RALYL: variants seen among roughly 807,000 people sequenced by gnomAD.
The protein encoded by RALYL is RNA-binding Raly-like protein.
RALYL carries 29 observed loss-of-function variants against 35.1 expected under a neutral mutation model. That is an observed-to-expected ratio of 0.83 (90% CI 0.61 to 1.13). The LOEUF is 1.13. Among genes scored for constraint, RALYL ranks in the 50% most tolerant of loss-of-function variants. The pLI is 0.00. For synonymous variants in RALYL, 120 were observed against 127.6 expected (o/e 0.94, Z 0.40); for missense variants, 359 against 360.4 (o/e 1.00, Z 0.03).
At chr8:84,559,259 T>C (rs1231123346) in intron 2 of RALYL, among the ~76,000 whole-genome samples, 1 of 152,084 alleles carries the variant, frequency 6.6e-6, no homozygotes, top group Non-Finnish European at 1.5e-5. Context: ...TAAGAATTAT[T>C]TTGAAATCAT....
intron 2 of RALYL, among the ~76,000 whole-genome samples, chr8:84,663,023 C>T (rs932748046): frequency 5.3e-5 from 8 of 152,052 alleles, no homozygotes; most frequent in South Asian, 2.1e-4. Context: ...GGGTTACTCT[C>T]CTCCCTGAGT....
chr8:84,318,218 T>A (rs1844133783), intron 1 of RALYL, among the ~76,000 whole-genome samples: 1 of 152,224 alleles, frequency 6.6e-6, no homozygotes, highest in South Asian at 2.1e-4. Flanking sequence ...CCTGTGGGAC[T>A]GCACAAGCTG....
intron 1 of RALYL, among the ~76,000 whole-genome samples, chr8:84,187,482 C>T (rs1187973553): frequency 6.6e-6 from 1 of 151,894 alleles, no homozygotes; most frequent in African/African-American, 2.4e-5. Context: ...ATCAAATAGC[C>T]ACACCGTGGT....
chr8:84,770,276 A>T (rs887333376), intron 2 of RALYL, among the ~76,000 whole-genome samples: 2 of 151,956 alleles, frequency 1.3e-5, no homozygotes, highest in Admixed American at 6.6e-5. Flanking sequence ...GCTCCCACTT[A>T]TGAGTGAGAA....
chr8:84,295,916 T>C (rs1389789425), intron 1 of RALYL, among the ~76,000 whole-genome samples: 1 of 152,120 alleles, frequency 6.6e-6, no homozygotes, highest in Non-Finnish European at 1.5e-5. Context: ...TTGCTGACTG[T>C]GGAAGGGACA....
intron 2 of RALYL, among the ~76,000 whole-genome samples, chr8:84,545,396 C>T (rs1488239803): frequency 9.2e-5 from 14 of 152,164 alleles, no homozygotes; most frequent in Non-Finnish European, 1.9e-4. Flanking sequence ...ACTGTCCTCT[C>T]TGTACCTACT....
chr8:84,628,969 G>T (rs2131211021), intron 2 of RALYL, among the ~76,000 whole-genome samples: 1 of 152,076 alleles, frequency 6.6e-6, no homozygotes, highest in Admixed American at 6.6e-5. Context: ...AAAAATAACT[G>T]CCATTATAGA....
chr8:84,903,837 C>T (rs1217512556), intron 8 of RALYL, among the ~76,000 whole-genome samples: 1 of 152,264 alleles, frequency 6.6e-6, no homozygotes, highest in East Asian at 1.9e-4. Context: ...TTGGAAAAAT[C>T]ATCTTAGTGA....
intron 2 of RALYL, among the ~76,000 whole-genome samples, chr8:84,685,403 A>C (rs1458295153): frequency 1.3e-5 from 2 of 150,804 alleles, no homozygotes; most frequent in East Asian, 3.9e-4. Context: ...TCTTTACCCA[A>C]CCCCCACCAT....
chr8:84,349,993 A>G (rs983663120), intron 1 of RALYL, among the ~76,000 whole-genome samples: 1 of 150,572 alleles, frequency 6.6e-6, no homozygotes, highest in Non-Finnish European at 1.5e-5. Flanking sequence ...CATTACTCCC[A>G]TTTGAATACA....
intron 1 of RALYL, among the ~76,000 whole-genome samples, chr8:84,440,768 T>C (rs1335263694): frequency 2.0e-5 from 3 of 152,052 alleles, no homozygotes; most frequent in Non-Finnish European, 4.4e-5. Context: ...GTTTGAGGGA[T>C]ATTTGAGTTG....
chr8:84,755,370 G>A (rs971749852), intron 2 of RALYL, among the ~76,000 whole-genome samples: 1 of 152,136 alleles, frequency 6.6e-6, no homozygotes, highest in East Asian at 1.9e-4. Flanking sequence ...GTCAACAGAA[G>A]CACCTTCTCA....
At chr8:84,488,424 T>C (rs573300772) in intron 1 of RALYL, among the ~76,000 whole-genome samples, 4 of 152,136 alleles carry the variant, frequency 2.6e-5, no homozygotes, top group African/African-American at 7.2e-5. Flanking sequence ...ACACAAAAGT[T>C]CCCATTTTCA....
chr8:84,639,169 T>G (rs913976693), intron 2 of RALYL, among the ~76,000 whole-genome samples: 4 of 151,684 alleles, frequency 2.6e-5, no homozygotes, highest in Admixed American at 1.3e-4. Flanking sequence ...TAATATTTTA[T>G]TTAATTAAAG....
intron 1 of RALYL, among the ~76,000 whole-genome samples, chr8:84,376,333 A>G (rs977627956): frequency 6.6e-6 from 1 of 151,892 alleles, no homozygotes; most frequent in Non-Finnish European, 1.5e-5. Flanking sequence ...CAGGTATGTC[A>G]GAAATATTTC....
intron 4 of RALYL, among the ~76,000 whole-genome samples, chr8:84,839,348 C>G (rs117137425): frequency 6.6e-6 from 1 of 152,314 alleles, no homozygotes; most frequent in East Asian, 1.9e-4. Flanking sequence ...GAAGGACCTA[C>G]GCTCATGGAG....
intron 1 of RALYL, among the ~76,000 whole-genome samples, chr8:84,412,816 G>A (rs1339478285): frequency 6.6e-6 from 1 of 151,928 alleles, no homozygotes; most frequent in Admixed American, 6.6e-5. Context: ...AATGACACAA[G>A]GAACTGGGCT....
At chr8:84,300,096 G>C (rs1442216603) in intron 1 of RALYL, among the ~76,000 whole-genome samples, 1 of 151,882 alleles carries the variant, frequency 6.6e-6, no homozygotes, top group African/African-American at 2.4e-5. Flanking sequence ...TTTCCTCTTA[G>C]CACTGCTTTA....
At chr8:84,805,946 C>G (rs1323584440) in intron 4 of RALYL, among the ~76,000 whole-genome samples, 2 of 152,136 alleles carry the variant, frequency 1.3e-5, no homozygotes, top group Non-Finnish European at 2.9e-5. Flanking sequence ...GGAAAAAAAG[C>G]TGTCATATAT....
Sources: allele counts gnomAD v4.1 joint callset (sites outside exome capture counted in the v4.1 genomes callset), GRCh38; gene constraint gnomAD v4.1.1; transcripts MANE v1.5; gene names NCBI Gene and HGNC (gene_info 2026-07-23, HGNC 2026-07-21).